Variants in ATP9B observed in about 807,000 individuals in gnomAD.
The protein encoded by ATP9B is ATPase phospholipid transporting 9B.
Under a neutral mutation model 146.1 loss-of-function variants are expected in ATP9B, and 110 were observed. That is an observed-to-expected ratio of 0.75 (90% CI 0.65 to 0.88). The LOEUF is 0.88. ATP9B is among the 40% of genes least tolerant of loss of function. ATP9B has a pLI of 0.00. For synonymous variants in ATP9B, 604 were observed against 569.7 expected, an observed-to-expected ratio of 1.06 and a Z score of -0.86; for missense variants, 1,499 against 1,496.4, an observed-to-expected ratio of 1.00 and a Z score of -0.03.
At chr18:79,205,188 G>A (rs907526493) in intron 9 of ATP9B, among the ~76,000 whole-genome samples, 2 of 152,208 alleles carry the variant, frequency 1.3e-5, no homozygotes, top group African/African-American at 4.8e-5. Flanking sequence ...CAAATTGAAT[G>A]TAATTGAAAA....
chr18:79,251,122 A>C lies in ATP9B; in HGVS notation c.1108-2259A>C, dbSNP rs1232980263. 2.0e-5 allele frequency among the ~76,000 whole-genome samples: 3 copies of C among 152,214 alleles called. No homozygotes were observed. In the South Asian group the frequency reaches 6.2e-4, roughly 32 times the overall value. On this transcript the variant is annotated intron_variant, in intron 11 of 29. Transcript: ENST00000426216. ...CAAGTCACTATTTCATATAAAACTG[A>C]CACTTTGTGTTTGAAGTGTCCTCAG...
At chr18:79,359,630 CTT>C in intron 26 of ATP9B, 168 bp downstream of exon 26, 1 of 605,860 alleles carries the variant, frequency 1.7e-6, no homozygotes, top group East Asian at 2.8e-5. Flanking sequence ...GGCATTTTCT[CTT>C]TGAGTTAAAC....
In ATP9B at chr18:79,329,312, C is replaced by T. The variant is rs1393334621; in HGVS notation, c.1935+10C>T. Reference sequence around the variant, plus strand: ...GGGCGTCATCGTCAGGGTGAGGCTGCGGGGAGGGTGCCACGCGATGGCTTC... The same window carrying T: ...GGGCGTCATCGTCAGGGTGAGGCTGTGGGGAGGGTGCCACGCGATGGCTTC... On this transcript the variant is annotated intron_variant, in intron 16 of 29. Transcript: ENST00000426216. 6 of 1,578,490 alleles carry T rather than the reference C, an allele frequency of 3.8e-6. No homozygotes were observed. The highest frequency in any genetic ancestry group is 2.3e-5 in the East Asian group (1 of 43,512).
In ATP9B at chr18:79,335,789, G is replaced by A. The variant is rs149729961; in HGVS notation, c.2029-839G>A. 1.1e-4 allele frequency among the ~76,000 whole-genome samples: 17 copies of A among 152,334 alleles called. No homozygotes were observed. The East Asian group carries it at 2.5e-3, about 22-fold the overall frequency. On this transcript the variant is annotated intron_variant, in intron 17 of 29. Coordinates refer to ENST00000426216, the MANE Select transcript of ATP9B (RefSeq NM_198531.5). The stretch of plus-strand genomic sequence containing the variant: ...GCAAGAAGAACTTACGCAGATTCAC[G>A]GAGTTAGTCCCAGAGCAACACTCTT...
chr18:79,355,458 A>C (rs1157964970), intron 25 of ATP9B, among the ~76,000 whole-genome samples: 1 of 151,480 alleles, frequency 6.6e-6, no homozygotes, highest in African/African-American at 2.4e-5. Context: ...TAACCCAGAC[A>C]AAAAAAAATG....
chr18:79,282,045 G>A (rs867893989), intron 13 of ATP9B, among the ~76,000 whole-genome samples: 37 of 152,320 alleles, frequency 2.4e-4, no homozygotes, highest in African/African-American at 7.9e-4. Context: ...CTCAGCGGAG[G>A]GAAGAGCCGC....
intron 4 of ATP9B, among the ~76,000 whole-genome samples, chr18:79,124,467 G>A (rs995962183): frequency 6.6e-6 from 1 of 152,264 alleles, no homozygotes; most frequent in Non-Finnish European, 1.5e-5. Flanking sequence ...GGCACATGCC[G>A]TGCCATGCCT....
At chr18:79,288,062 G>A (rs1188649996) in intron 13 of ATP9B, among the ~76,000 whole-genome samples, 1 of 151,934 alleles carries the variant, frequency 6.6e-6, no homozygotes, top group Non-Finnish European at 1.5e-5. Flanking sequence ...TGGAATAGGT[G>A]TGGTGTGGTG....
At chr18:79,311,131 G>A (rs1025060169) in intron 15 of ATP9B, among the ~76,000 whole-genome samples, 1 of 150,298 alleles carries the variant, frequency 6.7e-6, no homozygotes, top group African/African-American at 2.5e-5. Context: ...CAGCCTGGGC[G>A]ACAGAGCAAG....
At chr18:79,165,897 C>G (rs901280484) in intron 7 of ATP9B, among the ~76,000 whole-genome samples, 2 of 152,190 alleles carry the variant, frequency 1.3e-5, no homozygotes, top group African/African-American at 4.8e-5. Context: ...ATTCTAGACT[C>G]TACCTGGGCT....
chr18:79,178,108 T>C (rs2095202476), intron 8 of ATP9B, among the ~76,000 whole-genome samples: 1 of 152,024 alleles, frequency 6.6e-6, no homozygotes, highest in South Asian at 2.1e-4. Flanking sequence ...ATAGTGAAGT[T>C]ATATGTCAGG....
intron 2 of ATP9B, among the ~76,000 whole-genome samples, chr18:79,108,602 G>T (rs551215318): frequency 3.9e-5 from 6 of 152,158 alleles, no homozygotes; most frequent in South Asian, 2.1e-4. Context: ...GAATAAGGGT[G>T]GGGGGAGCTG....
rs1555850725 is a variant in ATP9B at position 79,327,896 on chromosome 18, T to TTAGCGTGCTATCCGTGGG, written c.1774-1236_1774-1235insATCCGTGGGTAGCGTGCT. On this transcript the variant is annotated intron_variant, in intron 15 of 29. Transcript: ENST00000426216. The stretch of plus-strand genomic sequence containing the variant: ...TCCATGGATAGTGTGCTCTCCGTGG[T>TTAGCGTGCTATCCGTGGG]TAGCGTGCTCTCCGTGGGTAGCGTG... Among the ~76,000 whole-genome samples, 9 of 46,750 alleles carry TTAGCGTGCTATCCGTGGG rather than the reference T, an allele frequency of 1.9e-4. 2 individuals carry two copies. The highest frequency in any genetic ancestry group is 5.5e-4 in the African/African-American group (6 of 10,918). The allele number at this position is 46,750 out of a possible 152,430, so 30.7% of individuals were successfully genotyped here.
At chr18:79,084,307 A>AT in intron 1 of ATP9B, among the ~76,000 whole-genome samples, 1 of 151,824 alleles carries the variant, frequency 6.6e-6, no homozygotes, top group Non-Finnish European at 1.5e-5. Context: ...CTATCCCATC[A>AT]TTTTCCATTC....
intron 7 of ATP9B, among the ~76,000 whole-genome samples, chr18:79,156,722 C>T (rs1343267449): frequency 3.3e-5 from 5 of 152,146 alleles, no homozygotes; most frequent in African/African-American, 7.2e-5. Flanking sequence ...ATTTTGAAGC[C>T]ATCATTTGCC....
At chr18:79,316,177 A>G (rs1001106135) in intron 15 of ATP9B, among the ~76,000 whole-genome samples, 1 of 152,174 alleles carries the variant, frequency 6.6e-6, no homozygotes, top group Non-Finnish European at 1.5e-5. Flanking sequence ...AAGTGATGAC[A>G]TCGGAAACAG....
chr18:79,234,742 G>A (rs941228885), intron 11 of ATP9B, among the ~76,000 whole-genome samples: 1 of 152,152 alleles, frequency 6.6e-6, no homozygotes, highest in Non-Finnish European at 1.5e-5. Flanking sequence ...CTGCGGTTTC[G>A]ACCATGGGTT....
chr18:79,168,331 AATGAGT>A (rs2095014345), intron 7 of ATP9B, among the ~76,000 whole-genome samples: 2 of 152,076 alleles, frequency 1.3e-5, no homozygotes, highest in Non-Finnish European at 2.9e-5. Context: ...AAAATAAACA[AATGAGT>A]ATAACAACAA....
At chr18:79,110,553 GGCTTCCTTT>G (rs1265611439) in intron 3 of ATP9B, 48 bp downstream of exon 3, 7 of 1,551,660 alleles carry the variant, frequency 4.5e-6, no homozygotes, top group African/African-American at 1.4e-5. Context: ...AGAGATTGCT[GGCTTCCTTT>G]GCTATAGGAT....
Sources: allele counts gnomAD v4.1 joint callset (sites outside exome capture counted in the v4.1 genomes callset), GRCh38; gene constraint gnomAD v4.1.1; transcripts MANE v1.5; gene names NCBI Gene and HGNC (gene_info 2026-07-23, HGNC 2026-07-21).